DMD: variants seen among roughly 807,000 people sequenced by gnomAD.
DMD encodes the protein dystrophin, also known as mutant dystrophin.
A neutral mutation model predicts 330.1 loss-of-function variants in DMD; 63 were observed. The observed-to-expected ratio is 0.19, with a 90% confidence interval of 0.16 to 0.24. The LOEUF (loss-of-function observed/expected upper bound fraction) is 0.24, where lower values mean the gene tolerates loss of function less well. DMD is among the 10% of genes least tolerant of loss of function. DMD has a pLI of 1.00. For missense variants in DMD, 3,344 were observed against 2,684.1 expected, an observed-to-expected ratio of 1.25 and a Z score of -5.43; for synonymous variants, 1,223 against 959.8, an observed-to-expected ratio of 1.27 and a Z score of -5.07.
At chrX:31,698,752 T>C (rs1025574935) in intron 52 of DMD, among the ~76,000 whole-genome samples, 1 of 111,562 alleles carries the variant, frequency 9.0e-6, no homozygotes, top group African/African-American at 3.3e-5. Flanking sequence ...GTTTTACAAA[T>C]AGAGAATAAA....
chrX:31,824,269 CT>C (rs753735260), intron 49 of DMD, among the ~76,000 whole-genome samples: 143 of 101,554 alleles, frequency 1.4e-3, no homozygotes, highest in Admixed American at 1.4e-3. Flanking sequence ...GGATTTTTTT[CT>C]TTTTTTTTTT....
At chrX:31,373,012 A>G (rs1179453945) in intron 60 of DMD, among the ~76,000 whole-genome samples, 3 of 111,184 alleles carry the variant, frequency 2.7e-5, no homozygotes. Flanking sequence ...AATCACAAGC[A>G]TTCTTATACA....
intron 1 of DMD, among the ~76,000 whole-genome samples, chrX:33,062,606 A>G (rs2094595470): frequency 8.9e-6 from 1 of 111,738 alleles, no homozygotes; most frequent in African/African-American, 3.3e-5. Flanking sequence ...CCTCCCGAGT[A>G]GCTGGGATCA....
chrX:32,583,241 A>G (rs1399493192), intron 13 of DMD, among the ~76,000 whole-genome samples: 1 of 111,887 alleles, frequency 8.9e-6, no homozygotes, highest in African/African-American at 3.3e-5. Context: ...CACGCCTGCA[A>G]TCCCAACACT....
At chrX:32,783,351 T>C (rs12853289) in intron 7 of DMD, among the ~76,000 whole-genome samples, 2 of 96,871 alleles carry the variant, frequency 2.1e-5, no homozygotes, top group African/African-American at 4.5e-5. Flanking sequence ...ACATATATGG[T>C]ATATATATAC....
At chrX:32,540,183 T>C (rs1403331471) in intron 17 of DMD, among the ~76,000 whole-genome samples, 1 of 111,389 alleles carries the variant, frequency 9.0e-6, no homozygotes, top group Admixed American at 9.6e-5. Context: ...AGTTTTACCC[T>C]AGGCTGAGTT....
chrX:31,540,283 C>T (rs755872555), intron 55 of DMD, among the ~76,000 whole-genome samples: 1 of 112,043 alleles, frequency 8.9e-6, no homozygotes, highest in African/African-American at 3.2e-5. Flanking sequence ...ACTCACTAGA[C>T]TCTTTTTCAC....
At chrX:32,230,229 T>G (rs1361223480) in intron 43 of DMD, among the ~76,000 whole-genome samples, 4 of 111,632 alleles carry the variant, frequency 3.6e-5, no homozygotes, top group Non-Finnish European at 7.5e-5. Flanking sequence ...AACATGGTTT[T>G]TTTTGTTTTG....
At chrX:33,023,299 GCACT>G (rs1477298160) in intron 1 of DMD, among the ~76,000 whole-genome samples, 3 of 111,597 alleles carry the variant, frequency 2.7e-5, no homozygotes, top group African/African-American at 9.7e-5. Context: ...ACATGCTCAT[GCACT>G]CACTTCTTTT....
At chrX:32,913,166 T>C (rs1175866230) in intron 2 of DMD, among the ~76,000 whole-genome samples, 1 of 111,549 alleles carries the variant, frequency 9.0e-6, no homozygotes, top group Non-Finnish European at 1.9e-5. Flanking sequence ...TTCCCCCTAG[T>C]TTAAAAGTGG....
intron 1 of DMD, among the ~76,000 whole-genome samples, chrX:33,234,853 C>G (rs184244905): frequency 9.8e-5 from 11 of 111,780 alleles, no homozygotes; most frequent in African/African-American, 3.6e-4. Context: ...CCTGGCCACT[C>G]TCAGTGATTC....
chrX:32,499,823 C>T (rs770983832), intron 19 of DMD, among the ~76,000 whole-genome samples: 35 of 111,174 alleles, frequency 3.1e-4, no homozygotes, highest in Non-Finnish European at 6.2e-4. Context: ...ACTTCAGGCA[C>T]TTAATATGTG....
intron 44 of DMD, among the ~76,000 whole-genome samples, chrX:32,116,345 A>G (rs775344287): frequency 2.7e-5 from 3 of 112,324 alleles, no homozygotes; most frequent in Non-Finnish European, 3.8e-5. Flanking sequence ...TTTATTTCCA[A>G]TATGGATCAC....
intron 37 of DMD, among the ~76,000 whole-genome samples, chrX:32,357,362 T>C (rs1353816960): frequency 1.8e-5 from 2 of 111,290 alleles, no homozygotes; most frequent in Non-Finnish European, 3.8e-5. Context: ...TCAGCATCAA[T>C]CTGACCTAGA....
At chrX:32,725,522 C>T (rs1018885585) in intron 7 of DMD, among the ~76,000 whole-genome samples, 2 of 110,011 alleles carry the variant, frequency 1.8e-5, no homozygotes, top group African/African-American at 6.6e-5. Flanking sequence ...GATTTCAAGA[C>T]AAAAACAAAG....
chrX:32,240,724 T>C (rs111373470), intron 43 of DMD, among the ~76,000 whole-genome samples: 2 of 110,795 alleles, frequency 1.8e-5, no homozygotes, highest in Non-Finnish European at 3.8e-5. Flanking sequence ...GTATTTTCAG[T>C]ATGGTGGCTC....
intron 52 of DMD, among the ~76,000 whole-genome samples, chrX:31,721,700 CTCTCTCTCTCTCTCTCTCTATATATA>C (rs1386765406): frequency 1.5e-5 from 1 of 64,738 alleles, no homozygotes; most frequent in African/African-American, 8.2e-5. Context: ...CTCTCTCTCT[CTCTCTCTCTCTCTCTCTCTATATATA>C]TATATATATA....
intron 60 of DMD, among the ~76,000 whole-genome samples, chrX:31,397,699 C>T (rs987897517): frequency 1.8e-5 from 2 of 112,124 alleles, no homozygotes; most frequent in East Asian, 5.6e-4. Flanking sequence ...ACAGGAGGAC[C>T]GTTTAGAATC....
intron 11 of DMD, among the ~76,000 whole-genome samples, chrX:32,627,929 G>A (rs912428434): frequency 5.4e-5 from 6 of 110,217 alleles, no homozygotes; most frequent in African/African-American, 2.0e-4. Flanking sequence ...TATAGTATGT[G>A]TTTATATTTA....
Sources: gnomAD v4.1 joint callset for allele counts (sites outside exome capture counted in the v4.1 genomes callset) on GRCh38, gnomAD v4.1.1 for gene constraint, MANE v1.5 for transcripts, NCBI Gene and HGNC (gene_info 2026-07-23, HGNC 2026-07-21) for gene names.